Variants in GRIN2A observed in about 807,000 individuals in gnomAD.
GRIN2A encodes glutamate receptor ionotropic, NMDA 2A.
GRIN2A carries 22 observed loss-of-function variants against 113.4 expected under a neutral mutation model. The ratio of observed to expected loss-of-function variants is 0.19; its 90% CI spans 0.14 to 0.28. The LOEUF is 0.28. GRIN2A is among the 10% of genes least tolerant of loss of function. The pLI, the probability that GRIN2A is intolerant of heterozygous loss-of-function variation, is 1.00. For missense variants in GRIN2A, 1,502 were observed against 1,887.0 expected, an observed-to-expected ratio of 0.80 and a Z score of 3.78; for synonymous variants, 827 against 738.4, an observed-to-expected ratio of 1.12 and a Z score of -1.94.
At position 9,824,797 on chromosome 16, in the gene GRIN2A, T is replaced by A. The variant is rs138304873; in HGVS notation, c.2008-2373A>T. 3.3e-3 allele frequency among the ~76,000 whole-genome samples: 496 copies of A among 152,168 alleles called. 2 individuals carry two copies. The highest frequency in any genetic ancestry group is 0.011 in the African/African-American group (457 of 41,516). Reference sequence around the variant, plus strand: ...GGTTATCCATTATGTTCTATTTTTTTAAAAAAATGTCTGCAATCCTTAGAT... The same window carrying A: ...GGTTATCCATTATGTTCTATTTTTTAAAAAAAATGTCTGCAATCCTTAGAT... On this transcript the variant is annotated intron_variant, in intron 9 of 12. Coordinates refer to ENST00000330684, the MANE Select transcript of GRIN2A (RefSeq NM_001134407.3).
chr16:9,962,170 C>T (rs1456794522), intron 2 of GRIN2A, among the ~76,000 whole-genome samples: 4 of 152,140 alleles, frequency 2.6e-5, no homozygotes, highest in Non-Finnish European at 5.9e-5. Flanking sequence ...TAGAAGAAAA[C>T]CTAGGCAATA....
At chr16:10,133,942 G>A (rs2049130320) in intron 2 of GRIN2A, among the ~76,000 whole-genome samples, 2 of 152,044 alleles carry the variant, frequency 1.3e-5, no homozygotes, top group South Asian at 4.2e-4. Flanking sequence ...TAACACTATG[G>A]GAGGCCAAGG....
intron 2 of GRIN2A, among the ~76,000 whole-genome samples, chr16:10,010,566 A>C (rs1417387169): frequency 1.3e-5 from 2 of 152,232 alleles, no homozygotes; most frequent in African/African-American, 4.8e-5. Context: ...CATGTATAGG[A>C]ACTGTTTAAT....
intron 2 of GRIN2A, among the ~76,000 whole-genome samples, chr16:10,038,796 C>T (rs1473166698): frequency 6.6e-6 from 1 of 150,830 alleles, no homozygotes; most frequent in East Asian, 1.9e-4. Flanking sequence ...TGCAGTGAGC[C>T]GAGATCGCGC....
chr16:10,119,305 C>T (rs1323025972), intron 2 of GRIN2A, among the ~76,000 whole-genome samples: 3 of 151,764 alleles, frequency 2.0e-5, no homozygotes, highest in African/African-American at 2.4e-5. Flanking sequence ...TTAGAATGAG[C>T]GTTACCCATT....
intron 2 of GRIN2A, among the ~76,000 whole-genome samples, chr16:10,164,468 C>T (rs1003165260): frequency 6.6e-6 from 1 of 152,234 alleles, no homozygotes; most frequent in African/African-American, 2.4e-5. Flanking sequence ...AAGCCTGGGA[C>T]ACGAACATGA....
At chr16:10,155,318 C>A (rs1439434021) in intron 2 of GRIN2A, among the ~76,000 whole-genome samples, 1 of 152,118 alleles carries the variant, frequency 6.6e-6, no homozygotes, top group Non-Finnish European at 1.5e-5. Flanking sequence ...TCCCCCATCA[C>A]AGAAAATGAA....
chr16:9,757,987 C>T lies in GRIN2A; in HGVS notation c.*5162G>A, dbSNP rs979097236. The T allele has an allele frequency of 2.7e-5, 6 of 218,598 alleles. No homozygotes were observed. The highest frequency in any genetic ancestry group is 4.6e-5 in the Non-Finnish European group (5 of 108,744). 13.5% of individuals were successfully genotyped at this position (218,598 alleles called of 1,614,324 possible). A position where few individuals can be genotyped will look rare whatever the true frequency, so the allele number is the denominator to read the frequency against. ...AAAGAAACCTAGAAATAAGTCAGCCCGGTCAGAGAATCGAGCCAGAAATTG... is the reference window on the plus strand; with the variant it reads ...AAAGAAACCTAGAAATAAGTCAGCCTGGTCAGAGAATCGAGCCAGAAATTG... On this transcript the variant is annotated 3_prime_UTR_variant, in exon 13 of 13. Coordinates refer to ENST00000330684, the MANE Select transcript of GRIN2A (RefSeq NM_001134407.3).
rs1325962244 is a variant in GRIN2A, at chr16:9,760,447, A to G, written c.*2702T>C. The G allele has an allele frequency of 5.5e-6, 1 of 183,392 alleles. No individual in the cohort carries two copies. The highest frequency in any genetic ancestry group is 1.1e-5 in the Non-Finnish European group (1 of 95,068). The allele number at this position is 183,392 out of a possible 1,614,324, so 11.4% of individuals were successfully genotyped here. A position where few individuals can be genotyped will look rare whatever the true frequency, so the allele number is the denominator to read the frequency against. On this transcript the variant is annotated 3_prime_UTR_variant, in exon 13 of 13. Transcript: ENST00000330684. ...GTCATTGAATTAGTAGAGAAGGGAT[A>G]CCATAAACTTTGTGTAGCATAACAT...
Position 10,040,958 on chromosome 16 carries a change from T to A in GRIN2A, c.415-102407A>T, listed in dbSNP as rs990206853. ...TGGAAGAGGTGGCTTTCTCTGTGCT[T>A]ATCCTAAGCCCTTCCTTCTCTGCCT... On this transcript the variant is annotated intron_variant, in intron 2 of 12. Coordinates refer to ENST00000330684, the MANE Select transcript of GRIN2A (RefSeq NM_001134407.3). Among the ~76,000 whole-genome samples, 8 of 152,338 alleles carry A rather than the reference T, an allele frequency of 5.3e-5. No homozygotes were observed. In the South Asian group the frequency reaches 1.7e-3, roughly 32 times the overall value.
intron 1 of GRIN2A, among the ~76,000 whole-genome samples, chr16:10,181,195 A>G (rs2050263931): frequency 1.3e-4 from 1 of 7,492 alleles, no homozygotes; most frequent in Non-Finnish European, 4.4e-4. Flanking sequence ...GTGCACACAC[A>G]CGTGCACACA....
At position 9,897,130 on chromosome 16, in the gene GRIN2A, C is replaced by T. The variant is rs1258793108; in HGVS notation, c.1008-6030G>A. Among the ~76,000 whole-genome samples, 6 of 151,730 alleles carry T rather than the reference C, an allele frequency of 4.0e-5. No individual in the cohort carries two copies. The East Asian group carries it at 1.2e-3, about 29-fold the overall frequency. On this transcript the variant is annotated intron_variant, in intron 3 of 12. Coordinates refer to ENST00000330684, the MANE Select transcript of GRIN2A (RefSeq NM_001134407.3). Reference sequence around the variant, plus strand: ...TTTGCCAAGACGACTTCTGTGTTGTCATCCACTGGTGGTAAAGTGCTAAGT... The same window carrying T: ...TTTGCCAAGACGACTTCTGTGTTGTTATCCACTGGTGGTAAAGTGCTAAGT...
At chr16:9,950,409 A>C (rs528733190) in intron 2 of GRIN2A, among the ~76,000 whole-genome samples, 1 of 152,166 alleles carries the variant, frequency 6.6e-6, no homozygotes, top group Admixed American at 6.5e-5. Flanking sequence ...AGGTAGAAAA[A>C]AGAAACTACC....
chr16:9,851,790 TGAA>T, intron 4 of GRIN2A, among the ~76,000 whole-genome samples: 1 of 152,236 alleles, frequency 6.6e-6, no homozygotes. Flanking sequence ...ATTTGTAAAA[TGAA>T]GAGAGCAACA....
chr16:9,865,506 A>T (rs1207817877), intron 4 of GRIN2A, among the ~76,000 whole-genome samples: 2 of 152,228 alleles, frequency 1.3e-5, no homozygotes, highest in African/African-American at 4.8e-5. Flanking sequence ...CCCAAGTCCA[A>T]GTTCAACTAT....
intron 2 of GRIN2A, among the ~76,000 whole-genome samples, chr16:9,944,791 G>A (rs2044978015): frequency 6.6e-6 from 1 of 152,100 alleles, no homozygotes; most frequent in African/African-American, 2.4e-5. Flanking sequence ...CCGTGGGCAG[G>A]AAAGGATCCC....
intron 11 of GRIN2A, among the ~76,000 whole-genome samples, chr16:9,788,726 C>G (rs1197343928): frequency 6.0e-5 from 9 of 149,324 alleles, no homozygotes; most frequent in African/African-American, 1.5e-4. Flanking sequence ...ACTGGACAAC[C>G]AACTTTAAGT....
chr16:9,802,142 T>C lies in GRIN2A; in HGVS notation c.2169-3678A>G, dbSNP rs1190324785. ...GTGGGAGTGTAGATTAGTGCAACCATTGTGGAAAGCAGTGTGGCGATTCCT... is the reference window on the plus strand; with the variant it reads ...GTGGGAGTGTAGATTAGTGCAACCACTGTGGAAAGCAGTGTGGCGATTCCT... On this transcript the variant is annotated intron_variant, in intron 10 of 12. Coordinates refer to ENST00000330684, the MANE Select transcript of GRIN2A (RefSeq NM_001134407.3). Among the ~76,000 whole-genome samples the C allele has an allele frequency of 2.6e-5, 4 of 151,776 alleles. No individual in the cohort carries two copies. In the South Asian group the frequency reaches 6.3e-4, roughly 24 times the overall value.
At position 9,890,997 on chromosome 16, in the gene GRIN2A, C is replaced by T. The variant is rs149344082; in HGVS notation, c.1111G>A (p.Glu371Lys). 1 of 1,604,350 alleles carries T rather than the reference C, an allele frequency of 6.2e-7. No individual in the cohort carries two copies. Among genetic ancestry groups the T allele is most frequent in the Non-Finnish European group, 8.5e-7 (1 of 1,171,146 alleles). ...LVVIVLNKDREWEKVGKWENH... is the reference protein window; with the variant it reads ...LVVIVLNKDRKWEKVGKWENH... ...AGAAGGATGCTCACCTTTTCCCATT[C>T]CCGGTCTTTGTTCAGCACAATCACC... The change falls in exon 4 of 13, where the codon GAA becomes AAA. Residue 371 changes from glutamate (E) to lysine (K), a missense_variant. Glu to Lys is a moderately conservative substitution (Grantham distance 56, BLOSUM62 1). Coordinates refer to ENST00000330684, the MANE Select transcript of GRIN2A (RefSeq NM_001134407.3).
Sources: allele counts gnomAD v4.1 joint callset (sites outside exome capture counted in the v4.1 genomes callset), GRCh38; gene constraint gnomAD v4.1.1; transcripts MANE v1.5; gene names NCBI Gene and HGNC (gene_info 2026-07-23, HGNC 2026-07-21).